The following FGF14 variants were observed in gnomAD, a reference collection of about 807,000 sequenced individuals.
FGF14 encodes fibroblast growth factor homologous factor 4.
In FGF14, 5 loss-of-function variants were observed where a neutral mutation model predicts 25.5. The ratio of observed to expected loss-of-function variants is 0.20; its 90% CI spans 0.10 to 0.41. The LOEUF (loss-of-function observed/expected upper bound fraction) is 0.41. Among genes scored for constraint, FGF14 ranks in the 10% least tolerant of loss-of-function variants. FGF14 has a pLI of 1.00. For missense variants in FGF14, 222 were observed against 320.1 expected (o/e 0.69, Z 2.34); for synonymous variants, 138 against 118.3 (o/e 1.17, Z -1.08).
chr13:102,342,853 A>C (rs751456854), intron 1 of FGF14, among the ~76,000 whole-genome samples: 1 of 152,112 alleles, frequency 6.6e-6, no homozygotes, highest in Non-Finnish European at 1.5e-5. Flanking sequence ...CAAAATTGAG[A>C]ATTTTAGCAA....
At chr13:101,745,301 G>A (rs774995935) in intron 3 of FGF14, among the ~76,000 whole-genome samples, 47 of 151,898 alleles carry the variant, frequency 3.1e-4, no homozygotes, top group South Asian at 2.1e-4. Flanking sequence ...CATTATCAGC[G>A]TCCTGCACTA....
At chr13:102,297,792 A>C (rs1441719315) in intron 1 of FGF14, among the ~76,000 whole-genome samples, 1 of 151,826 alleles carries the variant, frequency 6.6e-6, no homozygotes, top group African/African-American at 2.4e-5. Context: ...GCTACTTGGG[A>C]AGCTGAGGTG....
chr13:102,300,384 C>T (rs962687854), intron 1 of FGF14: 2 of 151,170 alleles, frequency 1.3e-5, no homozygotes, highest in Admixed American at 6.6e-5. Context: ...ACCTGCTGGA[C>T]ATTTCTAAAC....
intron 1 of FGF14, among the ~76,000 whole-genome samples, chr13:102,130,899 T>C (rs945588574): frequency 6.6e-6 from 1 of 152,200 alleles, no homozygotes; most frequent in African/African-American, 2.4e-5. Flanking sequence ...GATTTTACTC[T>C]GAAGGGCTGT....
At chr13:102,273,069 C>A (rs1425728951) in intron 1 of FGF14, among the ~76,000 whole-genome samples, 1 of 152,132 alleles carries the variant, frequency 6.6e-6, no homozygotes, top group South Asian at 2.1e-4. Context: ...GAGCTAATTC[C>A]AATGTCTGTC....
chr13:102,059,028 G>C (rs1722260264), intron 1 of FGF14, among the ~76,000 whole-genome samples: 1 of 151,946 alleles, frequency 6.6e-6, no homozygotes. Flanking sequence ...CAAATCTCCA[G>C]TGAAATAACA....
chr13:101,875,681 A>C (rs182980267), intron 1 of FGF14, among the ~76,000 whole-genome samples: 3 of 152,266 alleles, frequency 2.0e-5, no homozygotes, highest in Non-Finnish European at 4.4e-5. Context: ...AAATTTTATT[A>C]AAAGGTTTTT....
intron 1 of FGF14, among the ~76,000 whole-genome samples, chr13:101,931,658 G>C (rs1159249727): frequency 1.3e-5 from 2 of 152,194 alleles, no homozygotes; most frequent in Non-Finnish European, 2.9e-5. Context: ...CAGCTGTTAA[G>C]AGTAACTTTG....
chr13:102,371,149 G>A (rs2057870795), intron 1 of FGF14, among the ~76,000 whole-genome samples: 1 of 152,084 alleles, frequency 6.6e-6, no homozygotes, highest in African/African-American at 2.4e-5. Flanking sequence ...ACCGACTTAA[G>A]GCCTCAGTCT....
chr13:102,275,262 T>TCTCTC (rs1555391875), intron 1 of FGF14, among the ~76,000 whole-genome samples: 4,115 of 68,844 alleles, frequency 0.06, 385 homozygotes, highest in South Asian at 0.084. Flanking sequence ...CTCTCTCTCT[T>TCTCTC]TCTCTCTCTC....
At chr13:102,136,726 AAAGT>A (rs1172436736) in intron 1 of FGF14, among the ~76,000 whole-genome samples, 4 of 152,128 alleles carry the variant, frequency 2.6e-5, no homozygotes, top group African/African-American at 9.7e-5. Context: ...GAAATAATCC[AAAGT>A]AAGTATGACT....
At chr13:102,087,704 G>A (rs1322361693) in intron 1 of FGF14, among the ~76,000 whole-genome samples, 4 of 151,398 alleles carry the variant, frequency 2.6e-5, no homozygotes, top group African/African-American at 9.7e-5. Context: ...GATTACAGGC[G>A]TGAGCCACCG....
chr13:102,370,786 T>C, intron 1 of FGF14, among the ~76,000 whole-genome samples: 1 of 152,134 alleles, frequency 6.6e-6, no homozygotes, highest in East Asian at 1.9e-4. Context: ...ATTTTGTGTT[T>C]CTTCTTAAAT....
chr13:101,910,646 C>T (rs528525260), intron 1 of FGF14, among the ~76,000 whole-genome samples: 2 of 152,174 alleles, frequency 1.3e-5, no homozygotes, highest in African/African-American at 2.4e-5. Context: ...CATTTCTACG[C>T]ATGCCTACTG....
intron 1 of FGF14, among the ~76,000 whole-genome samples, chr13:102,312,130 T>C (rs1401668244): frequency 1.3e-5 from 2 of 151,968 alleles, no homozygotes; most frequent in African/African-American, 2.4e-5. Context: ...CTCTTTAAGG[T>C]TGTCTACGAT....
chr13:102,132,515 C>CTTT (rs5806272), intron 1 of FGF14, among the ~76,000 whole-genome samples: 18 of 112,672 alleles, frequency 1.6e-4, no homozygotes, highest in African/African-American at 4.4e-4. Context: ...TTCTTTCTTT[C>CTTT]TTTTTTTTTT....
chr13:102,042,182 A>T (rs375976931), intron 1 of FGF14, among the ~76,000 whole-genome samples: 132 of 152,324 alleles, frequency 8.7e-4, no homozygotes, highest in African/African-American at 3.0e-3. Flanking sequence ...GGCATAAAAC[A>T]TGGTAATGAG....
chr13:102,143,561 C>T (rs1351283901), intron 1 of FGF14, among the ~76,000 whole-genome samples: 6 of 152,080 alleles, frequency 3.9e-5, no homozygotes, highest in Admixed American at 6.6e-5. Context: ...ACTTGTTTTT[C>T]GTCTTGTGCA....
At chr13:101,724,556 C>T (rs1483889535) in intron 4 of FGF14, among the ~76,000 whole-genome samples, 4 of 146,208 alleles carry the variant, frequency 2.7e-5, no homozygotes, top group Admixed American at 2.1e-4. Flanking sequence ...CAAACCTGCA[C>T]GTTGTGCACA....
Sources: allele counts gnomAD v4.1 joint callset (sites outside exome capture counted in the v4.1 genomes callset), GRCh38; gene constraint gnomAD v4.1.1; transcripts MANE v1.5; gene names NCBI Gene and HGNC (gene_info 2026-07-23, HGNC 2026-07-21).